Variants in DNASE1 observed in about 807,000 individuals in gnomAD.
DNASE1 encodes deoxyribonuclease-1.
A neutral mutation model predicts 33.9 loss-of-function variants in DNASE1; 40 were observed. The ratio of observed to expected loss-of-function variants is 1.18; its 90% confidence interval spans 0.92 to 1.54. The LOEUF (loss-of-function observed/expected upper bound fraction) is 1.54, where lower values mean the gene tolerates loss of function less well. Ranked by LOEUF, DNASE1 falls within the 40% of genes most tolerant of loss-of-function variation. The probability of loss-of-function intolerance (pLI) is 0.00; values close to 1 mark genes in which losing one functional copy is unlikely to be tolerated. For synonymous variants in DNASE1, 216 were observed against 160.0 expected (o/e 1.35, Z -2.64); for missense variants, 518 against 372.6 (o/e 1.39, Z -3.21).
At position 3,656,144 on chromosome 16, in the gene DNASE1, G is replaced by C; in HGVS notation, c.279G>C (p.Leu93=). The C allele has an allele frequency of 4.3e-6, 7 of 1,614,142 alleles. No homozygotes were observed. Among genetic ancestry groups the C allele is most frequent in the Non-Finnish European group, 5.9e-6 (7 of 1,180,026 alleles). Residue 93 remains leucine (L), a synonymous_variant, in exon 4 of 9, where the codon CTG becomes CTC. Transcript: ENST00000246949. ...ATCACTACGTGGTCAGTGAGCCACT[G>C]GGACGGAACAGCTATAAGGAGCGCT... is the stretch of plus-strand genomic sequence containing the variant. ...DTYHYVVSEP[L]GRNSYKERYL... is the part of the protein sequence containing the mutation.
At position 3,655,011 on chromosome 16, in the gene DNASE1, C is replaced by T; in HGVS notation, c.-35C>T. On this transcript the variant is annotated 5_prime_UTR_variant, in exon 1 of 9. Coordinates refer to ENST00000246949, the MANE Select transcript of DNASE1 (RefSeq NM_005223.4). ...GATATTCCAGATTCTTGACAGCATT[C>T]TCGTCATCTCTGAGGACATCACCAT... is the stretch of plus-strand genomic sequence containing the variant. 4.1e-6 allele frequency: 2 copies of T among 491,914 alleles called. No individual in the cohort carries two copies. The highest frequency in any genetic ancestry group is 3.1e-5 in the East Asian group (1 of 31,898). The allele number at this position is 491,914 out of a possible 1,614,324, so 30.5% of individuals were successfully genotyped here.
At chr16:3,628,861 G>GTT (rs72529015) in intron 1 of DNASE1, among the ~76,000 whole-genome samples, 2 of 132,936 alleles carry the variant, frequency 1.5e-5, no homozygotes, top group Non-Finnish European at 1.6e-5. Flanking sequence ...GCCTGGCTCT[G>GTT]TTTTTTTTTT....
At chr16:3,654,081 C>G (rs1434360957), upstream of DNASE1, 3 of 265,862 alleles carry the variant, frequency 1.1e-5, no homozygotes, top group African/African-American at 6.6e-5. Context: ...TGCACTCCAG[C>G]CTTGGCAACA....
At chr16:3,662,854 T>TGGTGGTCC (rs754874270), downstream of DNASE1, 2 of 1,611,308 alleles carry the variant, frequency 1.2e-6, no homozygotes, top group Middle Eastern at 1.6e-4. Flanking sequence ...TGCGGCCAAG[T>TGGTGGTCC]GGTGGTCCAT....
chr16:3,642,600 C>T (rs577654080), upstream of DNASE1, among the ~76,000 whole-genome samples: 7 of 152,278 alleles, frequency 4.6e-5, no homozygotes, highest in Admixed American at 2.6e-4. Flanking sequence ...GCCCAGCTCT[C>T]GTGGGGCTCG....
chr16:3,662,016 G>A (rs1478246692), downstream of DNASE1: 1 of 1,611,586 alleles, frequency 6.2e-7, no homozygotes, highest in Non-Finnish European at 8.5e-7. Flanking sequence ...TGGGCTGCAG[G>A]AGCTGTGCGC....
Position 3,656,670 on chromosome 16 carries a change from A to T in DNASE1, c.353A>T (p.Tyr118Phe). The T allele has an allele frequency of 6.2e-7, 1 of 1,613,120 alleles. No homozygotes were observed. The highest frequency in any genetic ancestry group is 8.5e-7 in the Non-Finnish European group (1 of 1,179,666). The change falls in exon 5 of 9, where the codon TAC (tyrosine) becomes TTC (phenylalanine). Residue 118 changes from tyrosine (Y) to phenylalanine (F), a missense_variant. Coordinates refer to ENST00000246949, the MANE Select transcript of DNASE1 (RefSeq NM_005223.4). ...CAGGTGTCTGCGGTGGACAGCTACT[A>T]CTACGATGATGGCTGCGAGCCCTGC... ...PDQVSAVDSY[Y>F]YDDGCEPCGN... is the part of the protein sequence containing the mutation.
chr16:3,627,718 A>G (rs1487332576), intron 1 of DNASE1, among the ~76,000 whole-genome samples: 3 of 152,150 alleles, frequency 2.0e-5, no homozygotes, highest in South Asian at 2.1e-4. Context: ...ATTTGACCAT[A>G]TATGCCAGGA....
chr16:3,661,453 C>G (rs1596682282), downstream of DNASE1: 1 of 152,418 alleles, frequency 6.6e-6, no homozygotes, highest in Non-Finnish European at 1.5e-5. Flanking sequence ...AAGCCCCAGA[C>G]ACGTGGACAA....
intron 1 of DNASE1, among the ~76,000 whole-genome samples, chr16:3,630,603 C>G (rs893183832): frequency 6.6e-6 from 1 of 151,790 alleles, no homozygotes; most frequent in Non-Finnish European, 1.5e-5. Flanking sequence ...CTTTTTTAAT[C>G]TTTTTTTTAA....
intron 3 of DNASE1, 56 bp from the exon 4 acceptor site, chr16:3,656,046 G>T (rs2042584389): frequency 1.9e-6 from 3 of 1,611,508 alleles, no homozygotes; most frequent in African/African-American, 1.3e-5. Context: ...GCTATCGGCA[G>T]CCAGAGGGGT....
chr16:3,629,163 C>CGA (rs1567191570), intron 1 of DNASE1, among the ~76,000 whole-genome samples: 1 of 116,040 alleles, frequency 8.6e-6, no homozygotes, highest in East Asian at 2.5e-4. Flanking sequence ...CAGAGCAAGA[C>CGA]TAAGTCTCAA....
chr16:3,612,633 C>T (rs945845480), intron 1 of DNASE1, among the ~76,000 whole-genome samples: 2 of 145,154 alleles, frequency 1.4e-5, no homozygotes, highest in African/African-American at 5.2e-5. Context: ...TGGTCTCGAG[C>T]CCTGGCCGCA....
intron 1 of DNASE1, among the ~76,000 whole-genome samples, chr16:3,644,750 A>C (rs758135977): frequency 6.6e-6 from 1 of 151,806 alleles, no homozygotes; most frequent in Non-Finnish European, 1.5e-5. Flanking sequence ...AAAAAAAAGA[A>C]ATAAAAAATC....
At chr16:3,644,903 C>T (rs767920221) in intron 1 of DNASE1, among the ~76,000 whole-genome samples, 36 of 151,900 alleles carry the variant, frequency 2.4e-4, no homozygotes, top group African/African-American at 7.5e-4. Context: ...CCAAGGCAGG[C>T]GGATCACTTG....
At chr16:3,646,519 T>C (rs1001595584) in intron 1 of DNASE1, among the ~76,000 whole-genome samples, 9 of 151,820 alleles carry the variant, frequency 5.9e-5, no homozygotes, top group Admixed American at 6.6e-5. Flanking sequence ...GGGGAGAGGA[T>C]GTCCTCTGAA....
At position 3,664,236 on chromosome 16, in the gene DNASE1, G is replaced by A. The variant is rs536877144; in HGVS notation, c.*6283G>A. ...AGAAGGTCAAGACCCTCCCCAGGTT[G>A]CAGCCCCCGGAGCCCGCCCCACCCA... On this transcript the variant is annotated 3_prime_UTR_variant, in exon 10 of 10. Coordinates refer to the DNASE1 transcript ENST00000407479. 12 of 1,503,356 alleles carry A rather than the reference G, an allele frequency of 8.0e-6. No homozygotes were observed. In the East Asian group the frequency reaches 2.6e-4, roughly 33 times the overall value. 93.1% of individuals were successfully genotyped at this position (1,503,356 alleles called of 1,614,324 possible).
intron 4 of DNASE1, 132 bp downstream of exon 4, chr16:3,656,317 T>A (rs2042615407): frequency 1.0e-6 from 1 of 994,162 alleles, no homozygotes; most frequent in Non-Finnish European, 1.5e-6. Context: ...CAGGGTGGAG[T>A]GAAAACACCC....
intron 1 of DNASE1, among the ~76,000 whole-genome samples, chr16:3,637,518 A>G (rs2041905025): frequency 6.6e-6 from 1 of 152,132 alleles, no homozygotes; most frequent in African/African-American, 2.4e-5. Flanking sequence ...AGGGGGCTGG[A>G]GTTAGGCCCT....
Sources: gnomAD v4.1 joint callset for allele counts (sites outside exome capture counted in the v4.1 genomes callset) on GRCh38, gnomAD v4.1.1 for gene constraint, MANE v1.5 for transcripts, NCBI Gene and HGNC (gene_info 2026-07-23, HGNC 2026-07-21) for gene names.